PAIP1: variants seen among roughly 807,000 people sequenced by gnomAD.
The protein encoded by PAIP1 is poly(A) binding protein interacting protein 1.
In PAIP1, 16 loss-of-function variants were observed where a neutral mutation model predicts 61.3. The observed-to-expected ratio is 0.26, with a 90% confidence interval of 0.18 to 0.40. The LOEUF (loss-of-function observed/expected upper bound fraction) is 0.40, where lower values mean the gene tolerates loss of function less well. Among genes scored for constraint, PAIP1 ranks in the 10% least tolerant of loss-of-function variants. PAIP1 has a pLI of 1.00. For synonymous variants in PAIP1, 187 were observed against 226.2 expected (o/e 0.83, Z 1.56); for missense variants, 416 against 600.9 (o/e 0.69, Z 3.22).
intron 7 of PAIP1, 108 bp downstream of exon 7, chr5:43,535,426 G>A (rs931717485): frequency 1.3e-5 from 9 of 681,892 alleles, no homozygotes; most frequent in Non-Finnish European, 2.1e-5. Flanking sequence ...TTGTATATCC[G>A]TTAGCCATCA....
intron 2 of PAIP1, among the ~76,000 whole-genome samples, chr5:43,551,013 AT>A (rs1277217064): frequency 6.6e-6 from 1 of 152,172 alleles, no homozygotes; most frequent in Non-Finnish European, 1.5e-5. Context: ...GAAAAAGACA[AT>A]AACTAGAATA....
chr5:43,554,798 C>T (rs1197248658), intron 2 of PAIP1, among the ~76,000 whole-genome samples: 1 of 152,152 alleles, frequency 6.6e-6, no homozygotes, highest in East Asian at 1.9e-4. Flanking sequence ...GCTGGCTACC[C>T]TAAGTCCCAG....
chr5:43,526,910 A>C lies in PAIP1; in HGVS notation c.*466T>G, dbSNP rs1746732586. ...CAAGACTTTAGTGCTAAAGATTTTC[A>C]AGATTATGATTCATATTTGAAATTC... On this transcript the variant is annotated 3_prime_UTR_variant, in exon 11 of 11. Transcript: ENST00000306846. 6.6e-6 allele frequency: 1 copy of C among 151,404 alleles called. No individual in the cohort carries two copies. Among genetic ancestry groups the C allele is most frequent in the Non-Finnish European group, 1.5e-5 (1 of 67,616 alleles). The allele number at this position is 151,404 out of a possible 1,614,324, so 9.4% of individuals were successfully genotyped here. A position where few individuals can be genotyped will look rare whatever the true frequency, so the allele number is the denominator to read the frequency against.
At chr5:43,554,438 A>C (rs978049667) in intron 2 of PAIP1, among the ~76,000 whole-genome samples, 1 of 152,102 alleles carries the variant, frequency 6.6e-6, no homozygotes, top group African/African-American at 2.4e-5. Context: ...TTTTCACCCC[A>C]TATCAATTGC....
At chr5:43,555,809 T>C (rs764089079) in intron 2 of PAIP1, 21 bp downstream of exon 2, 17 of 1,574,426 alleles carry the variant, frequency 1.1e-5, no homozygotes, top group Non-Finnish European at 1.3e-5. Context: ...CCCAGAGTTG[T>C]AGGAAAAAGG....
chr5:43,556,729 G>T lies in PAIP1; in HGVS notation c.118C>A (p.Arg40=), dbSNP rs1579933776. The T allele has an allele frequency of 3.0e-6, 4 of 1,354,432 alleles. No homozygotes were observed. The African/African-American group carries it at 6.1e-5, about 21-fold the overall frequency. 83.9% of individuals were successfully genotyped at this position (1,354,432 alleles called of 1,614,324 possible). A position where few individuals can be genotyped will look rare whatever the true frequency, so the allele number is the denominator to read the frequency against. The stretch of plus-strand genomic sequence containing the variant: ...GGTTGCGGCGGCTGGTGCCGCGCCC[G>T]CTCAGCAGGCCCCGCTCCGTTCGGG... ...GFPNGAGPAE[R]ARHQPPQPKA... Residue 40 remains arginine, a synonymous_variant, in exon 1 of 11, where the codon CGG becomes AGG. Coordinates refer to ENST00000306846, the MANE Select transcript of PAIP1 (RefSeq NM_006451.5).
Position 43,539,002 on chromosome 5 carries a change from A to G in PAIP1, c.768T>C (p.Ala256=). Residue 256 remains alanine (A), a synonymous_variant, in exon 5 of 11, where the codon GCT becomes GCC. Transcript: ENST00000306846. Reference sequence around the variant, plus strand: ...TTCGAGTAACTTCATCCCCTTTTGCAGCTTGATCTTTAACTTCATATTCAG... The same window carrying G: ...TTCGAGTAACTTCATCCCCTTTTGCGGCTTGATCTTTAACTTCATATTCAG... ...CRTEYEVKDQ[A]AKGDEVTRKR... is the part of the protein sequence containing the mutation. 1.2e-6 allele frequency: 2 copies of G among 1,610,076 alleles called. No homozygotes were observed. The highest frequency in any genetic ancestry group is 1.7e-6 in the Non-Finnish European group (2 of 1,176,720).
chr5:43,527,586 A>G, intron 10 of PAIP1, 117 bp from the exon 11 acceptor site: 5 of 800,458 alleles, frequency 6.2e-6, no homozygotes, highest in Non-Finnish European at 5.5e-6. Context: ...AATAGAACAC[A>G]AGCCTAACTT....
In PAIP1 at chr5:43,543,036, C is replaced by T. The variant is rs1175467418; in HGVS notation, c.702G>A (p.Gln234=). 3 of 1,604,126 alleles carry T rather than the reference C, an allele frequency of 1.9e-6. No individual in the cohort carries two copies. Among genetic ancestry groups the T allele is most frequent in the Non-Finnish European group, 2.6e-6 (3 of 1,171,182 alleles). ...GTAGCAATTGGCGGAAGTTGCCACT[C>T]TGTGGGCTAATTGTCAGATGATGGG... The part of the protein sequence containing the change: ...YLSHHLTISP[Q]SGNFRQLLLQ... The change falls in exon 4 of 11, where the codon CAG becomes CAA. Residue 234 remains glutamine (Q), a synonymous_variant. Transcript: ENST00000306846.
At chr5:43,533,297 A>G (rs1420922550) in intron 9 of PAIP1, among the ~76,000 whole-genome samples, 1 of 152,226 alleles carries the variant, frequency 6.6e-6, no homozygotes, top group Non-Finnish European at 1.5e-5. Context: ...AGAGATTTGG[A>G]TTTTAATTAA....
intron 2 of PAIP1, among the ~76,000 whole-genome samples, chr5:43,554,497 C>T (rs957489809): frequency 1.3e-5 from 2 of 152,082 alleles, no homozygotes; most frequent in African/African-American, 4.8e-5. Context: ...AAAGCTTTTT[C>T]CTATACAGCA....
At chr5:43,551,318 T>C (rs1048127569) in intron 2 of PAIP1, among the ~76,000 whole-genome samples, 8 of 152,226 alleles carry the variant, frequency 5.3e-5, no homozygotes, top group Admixed American at 1.3e-4. Context: ...AAGATGTTCA[T>C]TGCCAAAAAA....
Position 43,544,942 on chromosome 5 carries a change from A to T in PAIP1, c.622-1826T>A, listed in dbSNP as rs1188942651. ...CTCAACTTACAGTTTCCCATCATGG[A>T]AGATGAGCTTTTAGCTTTCACCCTG... On this transcript the variant is annotated intron_variant, in intron 3 of 10. Transcript: ENST00000306846. Among the ~76,000 whole-genome samples, 4 of 152,184 alleles carry T rather than the reference A, an allele frequency of 2.6e-5. No individual in the cohort carries two copies. In the East Asian group the frequency reaches 7.7e-4, roughly 29 times the overall value.
chr5:43,538,124 G>C (rs373421116), intron 5 of PAIP1, among the ~76,000 whole-genome samples: 4 of 151,464 alleles, frequency 2.6e-5, no homozygotes, highest in Non-Finnish European at 4.4e-5. Flanking sequence ...TTATAAATAC[G>C]TTTAGCTGTA....
intron 10 of PAIP1, among the ~76,000 whole-genome samples, chr5:43,528,713 T>A (rs955568301): frequency 1.3e-5 from 2 of 151,796 alleles, no homozygotes; most frequent in Admixed American, 6.6e-5. Context: ...GTTCACTTTT[T>A]TAAAAAAATC....
In PAIP1 at chr5:43,539,051, T is replaced by C. The variant is rs781739269; in HGVS notation, c.735-16A>G. The C allele has an allele frequency of 1.3e-5, 18 of 1,428,546 alleles. No homozygotes were observed. Among genetic ancestry groups the C allele is most frequent in the Non-Finnish European group, 1.8e-5 (18 of 1,012,792 alleles). The allele number at this position is 1,428,546 out of a possible 1,614,324, so 88.5% of individuals were successfully genotyped here. On this transcript the variant is annotated splice_polypyrimidine_tract_variant and intron_variant, in intron 4 of 10. Coordinates refer to ENST00000306846, the MANE Select transcript of PAIP1 (RefSeq NM_006451.5). ...AGTCCGACATCTAATTAAAGACATATCTTTTATAATCTCACATTGCTTTGC... is the reference window on the plus strand; with the variant it reads ...AGTCCGACATCTAATTAAAGACATACCTTTTATAATCTCACATTGCTTTGC...
At chr5:43,538,302 T>C (rs1472609686) in intron 5 of PAIP1, among the ~76,000 whole-genome samples, 1 of 152,156 alleles carries the variant, frequency 6.6e-6, no homozygotes. Flanking sequence ...TGACTATAGT[T>C]AACAATATAT....
chr5:43,538,223 G>T (rs1280051040), intron 5 of PAIP1, among the ~76,000 whole-genome samples: 1 of 152,064 alleles, frequency 6.6e-6, no homozygotes, highest in Non-Finnish European at 1.5e-5. Context: ...GTATTGGGGA[G>T]ATGTTGGTCA....
chr5:43,543,036 C>A lies in PAIP1; in HGVS notation c.702G>T (p.Gln234His), dbSNP rs1175467418. The change falls in exon 4 of 11, where the codon CAG becomes CAT. Residue 234 changes from glutamine (Q) to histidine (H), a missense_variant. Around this residue, in one of 4 missense-constraint regions of PAIP1, gnomAD observed 180 missense variants for 211.2 expected, o/e 0.85. Coordinates refer to ENST00000306846, the MANE Select transcript of PAIP1 (RefSeq NM_006451.5). Reference sequence around the variant, plus strand: ...GTAGCAATTGGCGGAAGTTGCCACTCTGTGGGCTAATTGTCAGATGATGGG... The same window carrying A: ...GTAGCAATTGGCGGAAGTTGCCACTATGTGGGCTAATTGTCAGATGATGGG... ...YLSHHLTISP[Q>H]SGNFRQLLLQ... The A allele has an allele frequency of 2.5e-6, 4 of 1,604,008 alleles. No homozygotes were observed. Among genetic ancestry groups the A allele is most frequent in the Non-Finnish European group, 3.4e-6 (4 of 1,171,190 alleles).
Sources: gnomAD v4.1 joint callset for allele counts (sites outside exome capture counted in the v4.1 genomes callset) on GRCh38, gnomAD v4.1.1 for gene constraint, gnomAD v4.1.1 regional missense constraint, MANE v1.5 for transcripts, NCBI Gene and HGNC (gene_info 2026-07-23, HGNC 2026-07-21) for gene names.